ALDH1A2: variants seen among roughly 807,000 people sequenced by gnomAD.
The protein encoded by ALDH1A2 is aldehyde dehydrogenase 1 family member A2.
In ALDH1A2, 27 loss-of-function variants were observed where a neutral mutation model predicts 60.3. The ratio of observed to expected loss-of-function variants is 0.45; its 90% CI spans 0.33 to 0.62. ALDH1A2 has a LOEUF of 0.62. Among genes scored for constraint, ALDH1A2 ranks in the 20% least tolerant of loss-of-function variants. The pLI is 0.02. For synonymous variants in ALDH1A2, 289 were observed against 232.4 expected (o/e 1.24, Z -2.21); for missense variants, 581 against 643.8 (o/e 0.90, Z 1.06).
At chr15:58,006,230 A>G (rs1441643601) in intron 4 of ALDH1A2, among the ~76,000 whole-genome samples, 2 of 151,862 alleles carry the variant, frequency 1.3e-5, no homozygotes, top group African/African-American at 4.8e-5. Flanking sequence ...GCATCCTCAT[A>G]GCTTAGCACT....
intron 1 of ALDH1A2, among the ~76,000 whole-genome samples, chr15:58,051,585 A>G (rs1228603765): frequency 2.0e-5 from 3 of 152,130 alleles, no homozygotes; most frequent in Admixed American, 6.6e-5. Flanking sequence ...CCTCTACAAG[A>G]AAAACTAGCC....
At chr15:57,997,723 G>A (rs1305436944) in intron 4 of ALDH1A2, among the ~76,000 whole-genome samples, 1 of 151,892 alleles carries the variant, frequency 6.6e-6, no homozygotes, top group Non-Finnish European at 1.5e-5. Context: ...TTAAAAGTCG[G>A]ACCTCATGAG....
chr15:58,018,330 C>T (rs1487962525), intron 1 of ALDH1A2, among the ~76,000 whole-genome samples: 1 of 152,020 alleles, frequency 6.6e-6, no homozygotes, highest in Non-Finnish European at 1.5e-5. Context: ...TAATGATATA[C>T]ATTTTTAAAT....
intron 7 of ALDH1A2, chr15:57,980,348 A>G: frequency 2.5e-6 from 1 of 407,676 alleles, no homozygotes; most frequent in South Asian, 2.2e-5. Context: ...CATGGGGTTC[A>G]TGTCATAGCT....
chr15:58,029,249 A>T (rs1896163333), intron 1 of ALDH1A2, among the ~76,000 whole-genome samples: 1 of 152,138 alleles, frequency 6.6e-6, no homozygotes, highest in African/African-American at 2.4e-5. Context: ...CTCACTCAAA[A>T]CCGCATAACT....
intron 7 of ALDH1A2, among the ~76,000 whole-genome samples, chr15:57,988,357 G>A (rs952065890): frequency 6.6e-6 from 1 of 151,988 alleles, no homozygotes; most frequent in Non-Finnish European, 1.5e-5. Flanking sequence ...TAAAAAGAGT[G>A]GTAAAATTAT....
chr15:57,962,135 C>T lies in ALDH1A2; in HGVS notation c.1128G>A (p.Gln376=). The T allele has an allele frequency of 1.2e-6, 2 of 1,614,180 alleles. No homozygotes were observed. Among genetic ancestry groups the T allele is most frequent in the Non-Finnish European group, 1.7e-6 (2 of 1,180,018 alleles). Residue 376 remains glutamine (Q), a synonymous_variant, in exon 10 of 13, where the codon CAG becomes CAA. Coordinates refer to ENST00000249750, the MANE Select transcript of ALDH1A2 (RefSeq NM_003888.4). ...GCTTGGCGCCCTCAGCCACACCACT[C>T]TGGATGAGTTCCAAGATCTTGTTGT... ...KQYNKILELI[Q]SGVAEGAKLE...
intron 1 of ALDH1A2, among the ~76,000 whole-genome samples, chr15:58,026,929 C>A (rs896960237): frequency 3.9e-5 from 6 of 152,230 alleles, no homozygotes; most frequent in Admixed American, 2.6e-4. Context: ...CTAGACTCCA[C>A]CTCTGTGGGC....
At chr15:58,055,975 G>A (rs4646566) in intron 1 of ALDH1A2, among the ~76,000 whole-genome samples, 72,997 of 151,832 alleles carry the variant, frequency 0.48, 18,012 homozygotes, top group Non-Finnish European at 0.54. Flanking sequence ...AGCACAGAGT[G>A]AATAATTCAT....
chr15:58,041,223 C>T (rs1187018245), intron 1 of ALDH1A2, among the ~76,000 whole-genome samples: 1 of 151,908 alleles, frequency 6.6e-6, no homozygotes, highest in Non-Finnish European at 1.5e-5. Flanking sequence ...TACAACACCA[C>T]CATTTATGTA....
At chr15:57,980,233 G>T (rs75116168) in intron 7 of ALDH1A2, 1 of 335,848 alleles carries the variant, frequency 3.0e-6, no homozygotes, top group South Asian at 2.7e-5. Flanking sequence ...TGTCCACCCC[G>T]CTCTGCGGCC....
chr15:58,005,064 T>C (rs1424891227), intron 4 of ALDH1A2, among the ~76,000 whole-genome samples: 1 of 151,854 alleles, frequency 6.6e-6, no homozygotes, highest in Non-Finnish European at 1.5e-5. Context: ...ACTTGCAGCA[T>C]GGCTGACCCA....
In ALDH1A2 at chr15:57,955,127, G is replaced by C. The variant is rs1566925767; in HGVS notation, c.*70C>G. 1 of 1,463,834 alleles carries C rather than the reference G, an allele frequency of 6.8e-7. No homozygotes were observed. The allele number at this position is 1,463,834 out of a possible 1,614,324, so 90.7% of individuals were successfully genotyped here. ...GTGGCTCAACTTTGTATTCCTGAGA[G>C]CTGGGCCCTACAGAGAAAGCAGAGA... On this transcript the variant is annotated 3_prime_UTR_variant, in exon 13 of 13. Transcript: ENST00000249750.
intron 1 of ALDH1A2, among the ~76,000 whole-genome samples, chr15:58,048,438 G>A (rs1468071521): frequency 6.6e-6 from 1 of 152,062 alleles, no homozygotes; most frequent in Non-Finnish European, 1.5e-5. Context: ...GGACACAGAT[G>A]AGACTACAGA....
rs573542731 is a variant in ALDH1A2 at position 58,045,557 on chromosome 15, T to C, written c.117+19977A>G. Among the ~76,000 whole-genome samples, 363 of 152,188 alleles carry C rather than the reference T, an allele frequency of 2.4e-3. 1 individual carries two copies. Among genetic ancestry groups the C allele is most frequent in the African/African-American group, 8.4e-3 (350 of 41,530 alleles). ...GAAACATATACACCATGGAATACTA[T>C]GCAGCCATAAAAAAGGATGAGTTCA... is the stretch of plus-strand genomic sequence containing the variant. On this transcript the variant is annotated intron_variant, in intron 1 of 12. Transcript: ENST00000249750.
At chr15:57,995,459 G>A (rs1357175409) in intron 4 of ALDH1A2, among the ~76,000 whole-genome samples, 1 of 151,976 alleles carries the variant, frequency 6.6e-6, no homozygotes, top group Non-Finnish European at 1.5e-5. Flanking sequence ...TGAATTTTAT[G>A]TTAAATATTA....
At chr15:57,981,008 A>C (rs951394272) in intron 7 of ALDH1A2, among the ~76,000 whole-genome samples, 1 of 152,098 alleles carries the variant, frequency 6.6e-6, no homozygotes, top group African/African-American at 2.4e-5. Flanking sequence ...TTCCTGGTTT[A>C]GTCTTACAGT....
intron 7 of ALDH1A2, chr15:57,990,402 T>C (rs1484204711): frequency 1.3e-5 from 2 of 152,172 alleles, no homozygotes; most frequent in Admixed American, 6.5e-5. Context: ...GTCTGTTTAA[T>C]AGGAAAAATT....
chr15:58,050,884 C>T (rs1479559950), intron 1 of ALDH1A2, among the ~76,000 whole-genome samples: 3 of 152,136 alleles, frequency 2.0e-5, no homozygotes, highest in Non-Finnish European at 4.4e-5. Context: ...ATTTATGCTG[C>T]AAAGCAAACA....
Sources: allele counts gnomAD v4.1 joint callset (sites outside exome capture counted in the v4.1 genomes callset), GRCh38; gene constraint gnomAD v4.1.1; transcripts MANE v1.5; gene names NCBI Gene and HGNC (gene_info 2026-07-23, HGNC 2026-07-21).